CADM2: variants seen among roughly 807,000 people sequenced by gnomAD.
CADM2 encodes the protein immunoglobulin superfamily member 4D.
In CADM2, 12 loss-of-function variants were observed where a neutral mutation model predicts 49.8. The observed-to-expected ratio is 0.24, with a 90% CI of 0.15 to 0.39. The LOEUF (loss-of-function observed/expected upper bound fraction) is 0.39, where lower values mean the gene tolerates loss of function less well. Ranked by LOEUF, CADM2 falls within the 10% of genes least tolerant of loss-of-function variation. The pLI is 1.00. For synonymous variants in CADM2, 214 were observed against 175.4 expected, an observed-to-expected ratio of 1.22 and a Z score of -1.74; for missense variants, 378 against 492.3, an observed-to-expected ratio of 0.77 and a Z score of 2.20.
At chr3:85,423,243 C>T (rs2036256110) in intron 1 of CADM2, among the ~76,000 whole-genome samples, 1 of 152,104 alleles carries the variant, frequency 6.6e-6, no homozygotes. Flanking sequence ...CACTCTTCTG[C>T]TCATGGTGCC....
chr3:85,886,108 G>T (rs1027208198), intron 4 of CADM2, 82 bp from the exon 5 acceptor site: 41 of 1,565,504 alleles, frequency 2.6e-5, no homozygotes, highest in Admixed American at 1.2e-4. Context: ...ATCCAGTTCA[G>T]TTTCATGTGT....
At chr3:85,529,836 G>A (rs545853410) in intron 1 of CADM2, among the ~76,000 whole-genome samples, 23 of 151,964 alleles carry the variant, frequency 1.5e-4, no homozygotes, top group Non-Finnish European at 3.1e-4. Context: ...TACCTGCTCC[G>A]ATGTTATTTT....
intron 1 of CADM2, among the ~76,000 whole-genome samples, chr3:85,510,082 A>G (rs1358036077): frequency 2.0e-5 from 3 of 152,044 alleles, no homozygotes; most frequent in African/African-American, 7.2e-5. Context: ...CAAAGAAAGA[A>G]AAGAAATACT....
intron 1 of CADM2, among the ~76,000 whole-genome samples, chr3:85,236,635 A>G (rs1192310668): frequency 1.3e-5 from 2 of 152,158 alleles, no homozygotes; most frequent in Non-Finnish European, 2.9e-5. Flanking sequence ...TATAGTTCAC[A>G]TGATTTGGTG....
intron 3 of CADM2, among the ~76,000 whole-genome samples, chr3:85,827,532 T>TG (rs1230025342): frequency 6.6e-6 from 1 of 151,900 alleles, no homozygotes; most frequent in Non-Finnish European, 1.5e-5. Context: ...AATTAAGCAA[T>TG]GGGGGATTAT....
intron 1 of CADM2, among the ~76,000 whole-genome samples, chr3:85,573,774 C>T (rs992988605): frequency 6.6e-6 from 1 of 151,926 alleles, no homozygotes; most frequent in African/African-American, 2.4e-5. Context: ...GATCTTATTC[C>T]CTGCTTTACT....
At chr3:85,309,249 C>G (rs2044286302) in intron 1 of CADM2, among the ~76,000 whole-genome samples, 1 of 152,092 alleles carries the variant, frequency 6.6e-6, no homozygotes, top group African/African-American at 2.4e-5. Flanking sequence ...TGAGATGAAT[C>G]TTCAGGTGAA....
At chr3:85,283,401 G>A (rs1036375419) in intron 1 of CADM2, among the ~76,000 whole-genome samples, 2 of 151,548 alleles carry the variant, frequency 1.3e-5, no homozygotes, top group Non-Finnish European at 2.9e-5. Flanking sequence ...AGTTATCAAA[G>A]CTGTCATCAT....
At chr3:85,832,553 G>A (rs998035137) in intron 3 of CADM2, among the ~76,000 whole-genome samples, 3 of 151,602 alleles carry the variant, frequency 2.0e-5, no homozygotes, top group Non-Finnish European at 2.9e-5. Flanking sequence ...CTATTCCAAG[G>A]TATTTTTTCT....
chr3:85,107,188 T>G (rs976219839), intron 1 of CADM2, among the ~76,000 whole-genome samples: 4 of 152,140 alleles, frequency 2.6e-5, no homozygotes, highest in African/African-American at 9.7e-5. Context: ...TTAAATAAAT[T>G]TATGGAATAT....
At chr3:85,761,697 C>T (rs546747503) in intron 2 of CADM2, among the ~76,000 whole-genome samples, 90 of 152,170 alleles carry the variant, frequency 5.9e-4, no homozygotes, top group African/African-American at 2.0e-3. Context: ...TTAATAGATA[C>T]TGACTTTACA....
At chr3:85,936,889 A>G (rs1293408061) in intron 7 of CADM2, among the ~76,000 whole-genome samples, 1 of 151,802 alleles carries the variant, frequency 6.6e-6, no homozygotes, top group Non-Finnish European at 1.5e-5. Flanking sequence ...CTCTTCTAGT[A>G]ATTATTTTAA....
chr3:85,090,132 A>G (rs2037539811), intron 1 of CADM2, among the ~76,000 whole-genome samples: 1 of 152,186 alleles, frequency 6.6e-6, no homozygotes, highest in African/African-American at 2.4e-5. Flanking sequence ...TTTTGAACAT[A>G]TGAGTTTATA....
intron 1 of CADM2, among the ~76,000 whole-genome samples, chr3:85,179,349 A>T (rs1052319536): frequency 6.6e-6 from 1 of 152,082 alleles, no homozygotes; most frequent in African/African-American, 2.4e-5. Flanking sequence ...AAGTGTGTAT[A>T]TGTATAAAGA....
intron 8 of CADM2, among the ~76,000 whole-genome samples, chr3:86,006,141 C>A (rs1232005142): frequency 6.6e-6 from 1 of 152,086 alleles, no homozygotes; most frequent in East Asian, 1.9e-4. Flanking sequence ...AGGTTGCTTC[C>A]AAATCTTAGC....
At chr3:85,107,414 G>A (rs543603708) in intron 1 of CADM2, among the ~76,000 whole-genome samples, 11 of 152,078 alleles carry the variant, frequency 7.2e-5, no homozygotes, top group South Asian at 6.2e-4. Context: ...ATACCACTTC[G>A]CAACATTAGG....
chr3:85,831,529 T>C (rs2074186976), intron 3 of CADM2, among the ~76,000 whole-genome samples: 1 of 152,062 alleles, frequency 6.6e-6, no homozygotes, highest in African/African-American at 2.4e-5. Flanking sequence ...CCATTCTGAA[T>C]GGTGTGAAAT....
intron 1 of CADM2, among the ~76,000 whole-genome samples, chr3:85,621,501 A>G (rs1278486043): frequency 6.6e-6 from 1 of 152,172 alleles, no homozygotes; most frequent in Non-Finnish European, 1.5e-5. Context: ...TATTTTGCCT[A>G]GTACATATAA....
At chr3:85,495,960 T>A (rs1487506512) in intron 1 of CADM2, among the ~76,000 whole-genome samples, 5 of 152,252 alleles carry the variant, frequency 3.3e-5, no homozygotes, top group African/African-American at 1.2e-4. Flanking sequence ...TTAATAATGG[T>A]TTCCTCTGCT....
Sources: allele counts gnomAD v4.1 joint callset (sites outside exome capture counted in the v4.1 genomes callset), GRCh38; gene constraint gnomAD v4.1.1; transcripts MANE v1.5; gene names NCBI Gene and HGNC (gene_info 2026-07-23, HGNC 2026-07-21).